PCDHGA12: variants seen among roughly 807,000 people sequenced by gnomAD.
PCDHGA12 encodes protocadherin gamma-A12.
Under a neutral mutation model 61.1 loss-of-function variants are expected in PCDHGA12, and 43 were observed. The observed-to-expected ratio is 0.70, with a 90% CI of 0.55 to 0.91. The LOEUF is 0.91. Among genes scored for constraint, PCDHGA12 ranks in the 40% least tolerant of loss-of-function variants. The pLI is 0.00. For missense variants in PCDHGA12, 1,236 were observed against 1,227.7 expected (o/e 1.01, Z -0.10); for synonymous variants, 520 against 542.9 (o/e 0.96, Z 0.59).
Position 141,477,952 on chromosome 5 carries a change from A to C in PCDHGA12, c.2425-16855A>C, listed in dbSNP as rs907708638. The C allele has an allele frequency of 1.2e-6, 2 of 1,614,038 alleles. No individual in the cohort carries two copies. Among genetic ancestry groups the C allele is most frequent in the Non-Finnish European group, 1.7e-6 (2 of 1,180,002 alleles). Reference sequence around the variant, plus strand: ...CCTGGCTCTCCTACAGTCTCTTGGGATCCCCTAACCAGAGCCTTTTTGCCA... The same window carrying C: ...CCTGGCTCTCCTACAGTCTCTTGGGCTCCCCTAACCAGAGCCTTTTTGCCA... On this transcript the variant is annotated intron_variant, in intron 1 of 3. Coordinates refer to ENST00000252085, the MANE Select transcript of PCDHGA12 (RefSeq NM_003735.3). This position sits in a 1 kb window ranked among gnomAD's most constrained non-coding sequence, Gnocchi z 4.9.
chr5:141,475,105 G>C (rs1215386045), intron 1 of PCDHGA12, among the ~76,000 whole-genome samples: 1 of 152,156 alleles, frequency 6.6e-6, no homozygotes, highest in Non-Finnish European at 1.5e-5. Context: ...GATCCTAGGT[G>C]GTAAATAGGC....
In PCDHGA12 at chr5:141,485,569, T is replaced by C; in HGVS notation, c.2425-9238T>C. The C allele has an allele frequency of 6.2e-7, 1 of 1,612,664 alleles. No individual in the cohort carries two copies. Among genetic ancestry groups the C allele is most frequent in the Non-Finnish European group, 8.5e-7 (1 of 1,178,890 alleles). ...TAGATGTGAATGATCACGCCCCCCG[T>C]TTTCCGCGGCAGCAGCTGGACTTGG... On this transcript the variant is annotated intron_variant, in intron 1 of 3. Coordinates refer to ENST00000252085, the MANE Select transcript of PCDHGA12 (RefSeq NM_003735.3). This position sits in a 1 kb window ranked among gnomAD's most constrained non-coding sequence, Gnocchi z 5.7.
At chr5:141,474,087 A>C (rs1483673747) in intron 1 of PCDHGA12, among the ~76,000 whole-genome samples, 4 of 152,198 alleles carry the variant, frequency 2.6e-5, no homozygotes, top group South Asian at 2.1e-4. Context: ...AAAACCAAAA[A>C]ACAAACAACA....
rs1374646530 is a variant in PCDHGA12, at chr5:141,431,339, T to C, written c.580T>C (p.Leu194=). ...NGADGSKYPE[L]VLKRALDREE... ...AGCCGACGGTAGTAAGTACCCCGAA[T>C]TGGTGCTGAAACGCGCCCTGGACCG... The change falls in exon 1 of 4, where the codon TTG becomes CTG. Residue 194 remains leucine (L), a synonymous_variant. Coordinates refer to ENST00000252085, the MANE Select transcript of PCDHGA12 (RefSeq NM_003735.3). This position sits in a 1 kb window ranked among gnomAD's most constrained non-coding sequence, Gnocchi z 4.8. 1 of 1,614,060 alleles carries C rather than the reference T, an allele frequency of 6.2e-7. No individual in the cohort carries two copies. The highest frequency in any genetic ancestry group is 8.5e-7 in the Non-Finnish European group (1 of 1,180,024).
chr5:141,508,062 C>T (rs910730855), intron 3 of PCDHGA12: 2 of 152,316 alleles, frequency 1.3e-5, no homozygotes, highest in African/African-American at 4.8e-5. Flanking sequence ...TAATCAGCCT[C>T]CTTGGGCTAC....
chr5:141,485,106 T>C lies in PCDHGA12; in HGVS notation c.2425-9701T>C, dbSNP rs2099607051. The C allele has an allele frequency of 3.3e-6, 4 of 1,206,448 alleles. No homozygotes were observed. Among genetic ancestry groups the C allele is most frequent in the Non-Finnish European group, 4.8e-6 (4 of 828,284 alleles). 74.7% of individuals were successfully genotyped at this position (1,206,448 alleles called of 1,614,324 possible). ...GGGAGATAGGTGTCTCCAGCTGCTGTGGCTGTTTGGGGCGGGTCGGCTTCA... is the reference window on the plus strand; with the variant it reads ...GGGAGATAGGTGTCTCCAGCTGCTGCGGCTGTTTGGGGCGGGTCGGCTTCA... On this transcript the variant is annotated intron_variant, in intron 1 of 3. Coordinates refer to ENST00000252085, the MANE Select transcript of PCDHGA12 (RefSeq NM_003735.3). This position sits in a 1 kb window ranked among gnomAD's most constrained non-coding sequence, Gnocchi z 5.7.
intron 1 of PCDHGA12, among the ~76,000 whole-genome samples, chr5:141,474,464 T>C (rs373468290): frequency 6.6e-6 from 1 of 152,252 alleles, no homozygotes; most frequent in African/African-American, 2.4e-5. Context: ...CTATACTCTT[T>C]ATTCTAAATT....
intron 1 of PCDHGA12, among the ~76,000 whole-genome samples, chr5:141,474,448 A>G (rs1350019257): frequency 3.3e-5 from 5 of 152,204 alleles, no homozygotes; most frequent in Non-Finnish European, 5.9e-5. Context: ...GTAGCAAGTG[A>G]TTGGGCTATA....
rs1485764871 is a variant in PCDHGA12, at chr5:141,486,709, C to A, written c.2425-8098C>A. On this transcript the variant is annotated intron_variant, in intron 1 of 3. Coordinates refer to ENST00000252085, the MANE Select transcript of PCDHGA12 (RefSeq NM_003735.3). The surrounding 1 kb of genome is among the most constrained non-coding windows in gnomAD (Gnocchi z 5.0). ...CTTCCTCTTTCATCTCTCTGAACCC[C>A]CAGACAGGAGCTGTTCATGCTACTC... 6.2e-7 allele frequency: 1 copy of A among 1,614,182 alleles called. No homozygotes were observed. Among genetic ancestry groups the A allele is most frequent in the Admixed American group, 1.7e-5 (1 of 60,022 alleles).
rs777058727 is a variant in PCDHGA12 at position 141,431,947 on chromosome 5, A to G, written c.1188A>G (p.Lys396=). 6 of 1,614,052 alleles carry G rather than the reference A, an allele frequency of 3.7e-6. No homozygotes were observed. The highest frequency in any genetic ancestry group is 2.2e-5 in the East Asian group (1 of 44,894). ...IQGNLPFKLE[K]SYGNYYSLVT... ...GAAATCTGCCCTTTAAATTAGAAAAATCTTACGGAAATTACTATAGTTTAG... is the reference window on the plus strand; with the variant it reads ...GAAATCTGCCCTTTAAATTAGAAAAGTCTTACGGAAATTACTATAGTTTAG... The change falls in exon 1 of 4, where the codon AAA becomes AAG. Residue 396 remains lysine, a synonymous_variant. Transcript: ENST00000252085. This position sits in a 1 kb window ranked among gnomAD's most constrained non-coding sequence, Gnocchi z 4.8.
rs758216933 is a variant in PCDHGA12 at position 141,487,377 on chromosome 5, C to A, written c.2425-7430C>A. The A allele has an allele frequency of 2.5e-6, 4 of 1,614,190 alleles. No individual in the cohort carries two copies. In the South Asian group the frequency reaches 3.3e-5, roughly 13 times the overall value. On this transcript the variant is annotated intron_variant, in intron 1 of 3. Transcript: ENST00000252085. This position sits in a 1 kb window ranked among gnomAD's most constrained non-coding sequence, Gnocchi z 5.0. ...CCTGCTGGCACCTGTGCCTGTCTCA[C>A]CAGATCTCGAAGGAGGGAGGGGCTT...
intron 1 of PCDHGA12, among the ~76,000 whole-genome samples, chr5:141,488,305 T>C (rs1452293355): frequency 6.6e-6 from 1 of 152,234 alleles, no homozygotes; most frequent in African/African-American, 2.4e-5. Context: ...AAATCACTTA[T>C]GTCAGAAAAC....
At position 141,489,963 on chromosome 5, in the gene PCDHGA12, C is replaced by A. The variant is rs779260164; in HGVS notation, c.2425-4844C>A. On this transcript the variant is annotated intron_variant, in intron 1 of 3. Coordinates refer to ENST00000252085, the MANE Select transcript of PCDHGA12 (RefSeq NM_003735.3). This position sits in a 1 kb window ranked among gnomAD's most constrained non-coding sequence, Gnocchi z 4.5. Reference sequence around the variant, plus strand: ...TGGACATCAATGATAATGCTCCAACCTTCCAATCCTCAGTTCTACGTGTGG... The same window carrying A: ...TGGACATCAATGATAATGCTCCAACATTCCAATCCTCAGTTCTACGTGTGG... The A allele has an allele frequency of 8.1e-6, 13 of 1,614,184 alleles. No homozygotes were observed. In the East Asian group the frequency reaches 2.2e-4, roughly 28 times the overall value.
At chr5:141,463,650 A>G (rs1206605758) in intron 1 of PCDHGA12, among the ~76,000 whole-genome samples, 1 of 151,746 alleles carries the variant, frequency 6.6e-6, no homozygotes, top group South Asian at 2.1e-4. Flanking sequence ...ACGGGGTTTC[A>G]CCGTGTTAGC....
chr5:141,430,587 T>C lies in PCDHGA12; in HGVS notation c.-173T>C. 1 of 521,996 alleles carries C rather than the reference T, an allele frequency of 1.9e-6. No individual in the cohort carries two copies. Among genetic ancestry groups the C allele is most frequent in the Non-Finnish European group, 3.1e-6 (1 of 322,096 alleles). The allele number at this position is 521,996 out of a possible 1,614,324, so 32.3% of individuals were successfully genotyped here. On this transcript the variant is annotated 5_prime_UTR_variant, in exon 1 of 4. Coordinates refer to ENST00000252085, the MANE Select transcript of PCDHGA12 (RefSeq NM_003735.3). Reference sequence around the variant, plus strand: ...GAGAAAAGCGGAGATCCTGCTCGCCTTGCACGCGCCTGAAGCACAAAGCAG... The same window carrying C: ...GAGAAAAGCGGAGATCCTGCTCGCCCTGCACGCGCCTGAAGCACAAAGCAG...
chr5:141,476,839 G>A lies in PCDHGA12; in HGVS notation c.2425-17968G>A, dbSNP rs372676286. The A allele has an allele frequency of 5.0e-6, 8 of 1,613,490 alleles. No homozygotes were observed. Among genetic ancestry groups the A allele is most frequent in the South Asian group, 1.1e-5 (1 of 91,088 alleles). On this transcript the variant is annotated intron_variant, in intron 1 of 3. Transcript: ENST00000252085. The surrounding 1 kb of genome is among the most constrained non-coding windows in gnomAD (Gnocchi z 7.6). ...AGGTGCTGGACGCGAATGACAATGC[G>A]CCTGTCTTCAACCAGTCCTTGTACC...
rs1466092130 is a variant in PCDHGA12, at chr5:141,430,945, C to G, written c.186C>G (p.Arg62=). 6.2e-7 allele frequency: 1 copy of G among 1,609,234 alleles called. No homozygotes were observed. The highest frequency in any genetic ancestry group is 8.5e-7 in the Non-Finnish European group (1 of 1,178,006). ...TGGAGCCCCGGGAGCTCGCGGAGCGCGGAGTCCGCATCATCCCCAGAGGTA... is the reference window on the plus strand; with the variant it reads ...TGGAGCCCCGGGAGCTCGCGGAGCGGGGAGTCCGCATCATCCCCAGAGGTA... The part of the protein sequence containing the change: ...LGLEPRELAE[R]GVRIIPRGRT... The change falls in exon 1 of 4, where the codon CGC becomes CGG. Residue 62 remains arginine (R), a synonymous_variant. Transcript: ENST00000252085.
rs529029548 is a variant in PCDHGA12 at position 141,483,337 on chromosome 5, T to C, written c.2425-11470T>C. 9.2e-5 allele frequency among the ~76,000 whole-genome samples: 14 copies of C among 152,260 alleles called. No homozygotes were observed. In the East Asian group the frequency reaches 2.5e-3, roughly 27 times the overall value. On this transcript the variant is annotated intron_variant, in intron 1 of 3. Transcript: ENST00000252085. Reference sequence around the variant, plus strand: ...TGGGACTGGAGGCAAAGAGATCTTATCTCTTTGCAATAGTTTGAAAGCTAT... The same window carrying C: ...TGGGACTGGAGGCAAAGAGATCTTACCTCTTTGCAATAGTTTGAAAGCTAT...
intron 2 of PCDHGA12, among the ~76,000 whole-genome samples, chr5:141,498,882 G>A (rs1287566657): frequency 6.8e-6 from 1 of 147,420 alleles, no homozygotes; most frequent in African/African-American, 2.5e-5. Context: ...GCAGTGAGCT[G>A]AGATCACACC....
Sources: gnomAD v4.1 joint callset for allele counts (sites outside exome capture counted in the v4.1 genomes callset) on GRCh38, gnomAD v4.1.1 for gene constraint, Gnocchi (gnomAD v3.1) non-coding constraint, MANE v1.5 for transcripts, NCBI Gene and HGNC (gene_info 2026-07-23, HGNC 2026-07-21) for gene names.